ANLN: variants seen among roughly 807,000 people sequenced by gnomAD.
ANLN encodes anillin.
A neutral mutation model predicts 135.1 loss-of-function variants in ANLN; 59 were observed. That is an observed-to-expected ratio of 0.44 (90% CI 0.35 to 0.54). The LOEUF is 0.54. ANLN is among the 20% of genes least tolerant of loss of function. ANLN has a pLI of 0.00. For missense variants in ANLN, 1,182 were observed against 1,340.0 expected, an observed-to-expected ratio of 0.88 and a Z score of 1.84; for synonymous variants, 406 against 456.4, an observed-to-expected ratio of 0.89 and a Z score of 1.41.
intron 20 of ANLN, among the ~76,000 whole-genome samples, chr7:36,427,623 G>T (rs914218454): frequency 6.6e-6 from 1 of 152,084 alleles, no homozygotes; most frequent in African/African-American, 2.4e-5. Flanking sequence ...CAAAGTGCTG[G>T]GATTATAGGT....
chr7:36,427,287 G>GTAT (rs2116699715), intron 20 of ANLN, among the ~76,000 whole-genome samples: 1 of 151,272 alleles, frequency 6.6e-6, no homozygotes, highest in East Asian at 1.9e-4. Flanking sequence ...GACTAAAGAA[G>GTAT]TATTACTTCC....
intron 12 of ANLN, 100 bp from the exon 13 acceptor site, chr7:36,421,757 T>G (rs1787885083): frequency 8.7e-7 from 1 of 1,155,990 alleles, no homozygotes; most frequent in Admixed American, 2.8e-5. Context: ...CATCTGGAAA[T>G]TCTAGAAACT....
intron 2 of ANLN, among the ~76,000 whole-genome samples, 171 bp from the exon 3 acceptor site, chr7:36,398,908 T>A (rs1254993433): frequency 6.6e-6 from 1 of 152,154 alleles, no homozygotes; most frequent in African/African-American, 2.4e-5. Flanking sequence ...TCATATCAGA[T>A]TTCTAAGTTG....
Position 36,403,072 on chromosome 7 carries a change from G to A in ANLN, c.488-3109G>A, listed in dbSNP as rs984048437. On this transcript the variant is annotated intron_variant, in intron 3 of 23. Transcript: ENST00000265748. ...GCGGAGGTTGCAGTGAGCCGAGATC[G>A]CGCCATTACATTCCAGCCTGGGCAA... is the stretch of plus-strand genomic sequence containing the variant. 4.6e-5 allele frequency among the ~76,000 whole-genome samples: 7 copies of A among 152,094 alleles called. No individual in the cohort carries two copies. The East Asian group carries it at 5.8e-4, about 13-fold the overall frequency.
chr7:36,419,129 T>C (rs1242006772), intron 9 of ANLN, 115 bp from the exon 10 acceptor site: 6 of 701,112 alleles, frequency 8.6e-6, no homozygotes, highest in Non-Finnish European at 1.4e-5. Context: ...GGAGGTGCTT[T>C]TTTTTAAGGC....
intron 23 of ANLN, 120 bp downstream of exon 23, chr7:36,449,957 G>GA (rs1206466842): frequency 1.1e-6 from 1 of 886,030 alleles, no homozygotes; most frequent in Admixed American, 3.2e-5. Context: ...GCCTTAGTGA[G>GA]AAAACAAAAC....
rs1786386413 is a variant in ANLN at position 36,390,362 on chromosome 7, C to T, written c.18+318C>T. On this transcript the variant is annotated intron_variant, in intron 1 of 23. Coordinates refer to ENST00000265748, the MANE Select transcript of ANLN (RefSeq NM_018685.5). ...CAGTCCTGGCGCAGCAAGAGTGAGGCGCAGGCCTGCGGAACGGGTCCTGCT... is the reference window on the plus strand; with the variant it reads ...CAGTCCTGGCGCAGCAAGAGTGAGGTGCAGGCCTGCGGAACGGGTCCTGCT... 6 of 406,170 alleles carry T rather than the reference C, an allele frequency of 1.5e-5. No homozygotes were observed. The South Asian group carries it at 1.8e-4, about 12-fold the overall frequency. The allele number at this position is 406,170 out of a possible 1,614,324, so 25.2% of individuals were successfully genotyped here. A position where few individuals can be genotyped will look rare whatever the true frequency, so the allele number is the denominator to read the frequency against.
intron 23 of ANLN, among the ~76,000 whole-genome samples, chr7:36,450,842 C>G (rs910097778): frequency 6.6e-6 from 1 of 152,170 alleles, no homozygotes; most frequent in African/African-American, 2.4e-5. Context: ...CACAGCGGCC[C>G]ACTTCAGCCA....
rs73330574 is a variant in ANLN at position 36,422,521 on chromosome 7, A to G, written c.2300-112A>G. The G allele has an allele frequency of 2.2e-3, 2,002 of 905,198 alleles. 32 individuals carry two copies. In the African/African-American group the frequency reaches 0.029, roughly 13 times the overall value. The allele number at this position is 905,198 out of a possible 1,614,324, so 56.1% of individuals were successfully genotyped here. ...ATGTTTTATAAAGATAGTGTTACTG[A>G]TTTCGTCTTCGCTGTTACGTACAGT... is the stretch of plus-strand genomic sequence containing the variant. On this transcript the variant is annotated intron_variant, in intron 13 of 23. Coordinates refer to ENST00000265748, the MANE Select transcript of ANLN (RefSeq NM_018685.5).
intron 2 of ANLN, among the ~76,000 whole-genome samples, chr7:36,396,858 C>T (rs1295435519): frequency 6.6e-6 from 1 of 152,134 alleles, no homozygotes; most frequent in African/African-American, 2.4e-5. Context: ...GAACCCTTTT[C>T]ACTCTCTATT....
At chr7:36,428,764 A>AAATAAAAGC (rs147898679) in intron 20 of ANLN, among the ~76,000 whole-genome samples, 54,630 of 141,702 alleles carry the variant, frequency 0.39, 11,083 homozygotes, top group East Asian at 0.59. Flanking sequence ...GTGATGTTTT[A>AAATAAAAGC]AATAAAAGCA....
At chr7:36,444,349 A>C (rs1788905885) in intron 22 of ANLN, among the ~76,000 whole-genome samples, 1 of 151,736 alleles carries the variant, frequency 6.6e-6, no homozygotes, top group Non-Finnish European at 1.5e-5. Flanking sequence ...ATAATCCTTT[A>C]AAATTTTTAT....
intron 20 of ANLN, among the ~76,000 whole-genome samples, chr7:36,432,406 T>C (rs958388236): frequency 6.6e-6 from 1 of 152,232 alleles, no homozygotes; most frequent in Non-Finnish European, 1.5e-5. Context: ...TTTGCTGGCA[T>C]TAAATATTCA....
chr7:36,395,008 A>G (rs971707184), intron 1 of ANLN, among the ~76,000 whole-genome samples: 2 of 152,248 alleles, frequency 1.3e-5, no homozygotes, highest in African/African-American at 2.4e-5. Flanking sequence ...TAAATAAAAC[A>G]TAAGATTATT....
chr7:36,415,875 G>A lies in ANLN; in HGVS notation c.1513G>A (p.Glu505Lys). ...NQIPAKNSST[E>K]PKGFTECEMT... is the part of the protein sequence containing the mutation. ...GATACCAGCCAAAAATTCTAGTACA[G>A]AACCTAAAGGTCAGTGTTTCCAGAT... Residue 505 changes from glutamate to lysine, a missense_variant, in exon 8 of 24, where the codon GAA becomes AAA. Glu to Lys is a moderately conservative substitution (Grantham distance 56). Around this residue, in one of 3 missense-constraint regions of ANLN, gnomAD observed 1,022 missense variants for 1,134.0 expected, o/e 0.90. Transcript: ENST00000265748. 1 of 1,585,910 alleles carries A rather than the reference G, an allele frequency of 6.3e-7. No individual in the cohort carries two copies.
chr7:36,423,126 C>T (rs1787947234), intron 14 of ANLN, among the ~76,000 whole-genome samples: 1 of 151,692 alleles, frequency 6.6e-6, no homozygotes, highest in Admixed American at 6.6e-5. Flanking sequence ...TTCTGGAATA[C>T]CAAAGAAATA....
chr7:36,419,790 C>T (rs1006421644), intron 10 of ANLN, among the ~76,000 whole-genome samples: 21 of 152,228 alleles, frequency 1.4e-4, no homozygotes, highest in Middle Eastern at 3.4e-3. Flanking sequence ...TTATGTTAAA[C>T]GAGGTTATTA....
chr7:36,434,184 T>C (rs1300789724), intron 20 of ANLN, among the ~76,000 whole-genome samples: 1 of 152,240 alleles, frequency 6.6e-6, no homozygotes, highest in Non-Finnish European at 1.5e-5. Flanking sequence ...TGGTCTCTTA[T>C]GTAATCAGAA....
intron 19 of ANLN, among the ~76,000 whole-genome samples, chr7:36,426,561 G>C (rs1241458692): frequency 6.6e-6 from 1 of 152,084 alleles, no homozygotes; most frequent in Non-Finnish European, 1.5e-5. Flanking sequence ...TGGTGCAAGA[G>C]AGTTACTAAG....
Sources: gnomAD v4.1 joint callset for allele counts (sites outside exome capture counted in the v4.1 genomes callset) on GRCh38, gnomAD v4.1.1 for gene constraint, gnomAD v4.1.1 regional missense constraint, MANE v1.5 for transcripts, NCBI Gene and HGNC (gene_info 2026-07-23, HGNC 2026-07-21) for gene names.